The following EDA variants were observed in gnomAD, a reference collection of about 807,000 sequenced individuals.
EDA encodes the protein ectodysplasin-A.
In EDA, 2 loss-of-function variants were observed where a neutral mutation model predicts 23.6. The observed-to-expected ratio is 0.08, with a 90% confidence interval of 0.03 to 0.27. EDA has a LOEUF of 0.27. Among genes scored for constraint, EDA ranks in the 10% least tolerant of loss-of-function variants. EDA has a pLI of 1.00. For synonymous variants in EDA, 131 were observed against 132.0 expected, an observed-to-expected ratio of 0.99 and a Z score of 0.05; for missense variants, 229 against 324.2, an observed-to-expected ratio of 0.71 and a Z score of 2.26.
At chrX:69,895,781 T>C (rs1200522524) in intron 1 of EDA, among the ~76,000 whole-genome samples, 1 of 111,805 alleles carries the variant, frequency 8.9e-6, no homozygotes, top group East Asian at 2.8e-4. Flanking sequence ...GTAATTATCA[T>C]TTGTTCTGTG....
chrX:69,990,914 A>G (rs934286437), intron 2 of EDA, among the ~76,000 whole-genome samples: 3 of 109,881 alleles, frequency 2.7e-5, no homozygotes, highest in Non-Finnish European at 3.8e-5. Flanking sequence ...TGAGTAAACT[A>G]TATTCATCTG....
intron 1 of EDA, among the ~76,000 whole-genome samples, chrX:69,777,144 TTTGTTGTTGTTGTTG>T (rs140366037): frequency 9.4e-6 from 1 of 106,794 alleles, no homozygotes; most frequent in Non-Finnish European, 1.9e-5. Context: ...GATTCTGGGT[TTTGTTGTTGTTGTTG>T]TTGTTGTTGT....
intron 1 of EDA, among the ~76,000 whole-genome samples, chrX:69,625,453 G>C (rs1001949269): frequency 9.0e-6 from 1 of 111,137 alleles, no homozygotes. Context: ...TATCAAGACA[G>C]GGTGGTTCTG....
chrX:69,681,776 T>C (rs1294997773), intron 1 of EDA, among the ~76,000 whole-genome samples: 9 of 111,364 alleles, frequency 8.1e-5, no homozygotes, highest in African/African-American at 1.3e-4. Flanking sequence ...AATGTCCTCC[T>C]GTAGCTCGGA....
chrX:69,750,803 G>T (rs1216301228), intron 1 of EDA, among the ~76,000 whole-genome samples: 18 of 111,757 alleles, frequency 1.6e-4, no homozygotes, highest in African/African-American at 4.6e-4. Flanking sequence ...ATGTGTCTGT[G>T]GGCTGCATAA....
At chrX:69,922,152 G>A (rs767265353) in intron 1 of EDA, among the ~76,000 whole-genome samples, 4 of 112,094 alleles carry the variant, frequency 3.6e-5, no homozygotes, top group South Asian at 3.7e-4. Context: ...CTGTTTTATC[G>A]CTGAATAGAA....
At chrX:69,946,455 T>C (rs1180131773) in intron 1 of EDA, among the ~76,000 whole-genome samples, 8 of 111,869 alleles carry the variant, frequency 7.2e-5, no homozygotes, top group Non-Finnish European at 1.1e-4. Flanking sequence ...CTAGTCTTTC[T>C]TTCATTATCT....
chrX:69,744,077 A>G (rs1008966616), intron 1 of EDA, among the ~76,000 whole-genome samples: 2 of 111,555 alleles, frequency 1.8e-5, no homozygotes, highest in South Asian at 3.8e-4. Context: ...TGAGCCTTCA[A>G]GCCTTCCCTG....
chrX:70,011,756 G>C (rs187068221), intron 2 of EDA, among the ~76,000 whole-genome samples: 162 of 111,198 alleles, frequency 1.5e-3, no homozygotes, highest in African/African-American at 5.1e-3. Flanking sequence ...TTTTTTGTTT[G>C]TCTGAGGAAG....
chrX:69,979,214 G>A (rs767648711), intron 2 of EDA, among the ~76,000 whole-genome samples: 27 of 111,798 alleles, frequency 2.4e-4, no homozygotes, highest in African/African-American at 5.2e-4. Flanking sequence ...GTCCATCTGC[G>A]TTATAGCATA....
intron 1 of EDA, among the ~76,000 whole-genome samples, chrX:69,745,849 G>T (rs1178069290): frequency 9.0e-6 from 1 of 111,075 alleles, no homozygotes; most frequent in African/African-American, 3.3e-5. Flanking sequence ...CTAGCCAGGT[G>T]TGGTAGTGGG....
At chrX:69,747,022 T>C (rs930531563) in intron 1 of EDA, among the ~76,000 whole-genome samples, 1 of 111,825 alleles carries the variant, frequency 8.9e-6, no homozygotes, top group Non-Finnish European at 1.9e-5. Flanking sequence ...TGTTCTGAGG[T>C]TCTAGGCACT....
intron 1 of EDA, among the ~76,000 whole-genome samples, chrX:69,789,156 C>T (rs2015315725): frequency 8.9e-6 from 1 of 112,193 alleles, no homozygotes; most frequent in Non-Finnish European, 1.9e-5. Context: ...TGGGCTCATG[C>T]ATGGTGCGTG....
chrX:69,867,116 G>A (rs998074633), intron 1 of EDA, among the ~76,000 whole-genome samples: 10 of 112,023 alleles, frequency 8.9e-5, no homozygotes, highest in African/African-American at 3.2e-4. Context: ...CTCTGCTGCT[G>A]TTAAATTGAG....
chrX:69,883,922 C>T (rs1020886125), intron 1 of EDA, among the ~76,000 whole-genome samples: 1 of 110,395 alleles, frequency 9.1e-6, no homozygotes, highest in Non-Finnish European at 1.9e-5. Flanking sequence ...CATAGCAAGA[C>T]ATTGTCTCTA....
chrX:69,885,086 T>G (rs940545042), intron 1 of EDA, among the ~76,000 whole-genome samples: 1 of 112,524 alleles, frequency 8.9e-6, no homozygotes, highest in Non-Finnish European at 1.9e-5. Context: ...GTTAAGCATC[T>G]TTTCACGTGC....
chrX:69,799,559 A>G (rs2015625903), intron 1 of EDA, among the ~76,000 whole-genome samples: 1 of 110,913 alleles, frequency 9.0e-6, no homozygotes, highest in African/African-American at 3.3e-5. Context: ...CTGAATAGAC[A>G]TTTCTCAAAA....
At chrX:69,754,977 G>C (rs1353278486) in intron 1 of EDA, among the ~76,000 whole-genome samples, 1 of 111,347 alleles carries the variant, frequency 9.0e-6, no homozygotes. Context: ...AAGGTTTTTA[G>C]CTTCTTTGCG....
intron 1 of EDA, among the ~76,000 whole-genome samples, chrX:69,910,259 A>G (rs771861698): frequency 2.2e-4 from 24 of 108,670 alleles, no homozygotes; most frequent in Admixed American, 4.0e-4. Context: ...CCTCCTGAGT[A>G]TCTGGGGCTA....
Sources: gnomAD v4.1 joint callset for allele counts (sites outside exome capture counted in the v4.1 genomes callset) on GRCh38, gnomAD v4.1.1 for gene constraint, MANE v1.5 for transcripts, NCBI Gene and HGNC (gene_info 2026-07-23, HGNC 2026-07-21) for gene names.